The following RPAP1 variants were observed in gnomAD, a reference collection of about 807,000 sequenced individuals.
RPAP1 encodes RNA polymerase II associated protein 1.
A neutral mutation model predicts 142.4 loss-of-function variants in RPAP1; 109 were observed. The ratio of observed to expected loss-of-function variants is 0.77; its 90% CI spans 0.66 to 0.90. RPAP1 has a LOEUF of 0.90. Among genes scored for constraint, RPAP1 ranks in the 40% least tolerant of loss-of-function variants. RPAP1 has a pLI of 0.00. For missense variants in RPAP1, 1,546 were observed against 1,751.7 expected (o/e 0.88, Z 2.10); for synonymous variants, 704 against 738.9 (o/e 0.95, Z 0.77).
At chr15:41,539,270 C>T (rs996919760) in intron 1 of RPAP1, among the ~76,000 whole-genome samples, 1 of 151,502 alleles carries the variant, frequency 6.6e-6, no homozygotes, top group Admixed American at 6.6e-5. Context: ...CCACACTCAG[C>T]TAATTTTTGT....
chr15:41,524,757 A>G (rs2051771670), intron 15 of RPAP1, among the ~76,000 whole-genome samples: 7 of 152,180 alleles, frequency 4.6e-5, no homozygotes, highest in Admixed American at 4.6e-4. Context: ...TACAGGCATG[A>G]GCCACAGTGC....
chr15:41,528,546 C>T (rs1436562192), intron 9 of RPAP1, among the ~76,000 whole-genome samples: 1 of 152,074 alleles, frequency 6.6e-6, no homozygotes, highest in African/African-American at 2.4e-5. Flanking sequence ...GTTTAATTTG[C>T]GACCGGCGGA....
At chr15:41,530,875 G>T in intron 7 of RPAP1, 148 bp downstream of exon 7, 1 of 741,732 alleles carries the variant, frequency 1.3e-6, no homozygotes, top group Non-Finnish European at 2.2e-6. Flanking sequence ...CATCAGCAAT[G>T]AAGACTGACT....
At chr15:41,531,954 C>T (rs1299393708) in intron 6 of RPAP1, among the ~76,000 whole-genome samples, 1 of 151,868 alleles carries the variant, frequency 6.6e-6, no homozygotes, top group Non-Finnish European at 1.5e-5. Context: ...CTCCTGGGCT[C>T]AAGCAATCCT....
chr15:41,534,964 G>A, intron 5 of RPAP1, 29 bp from the exon 6 acceptor site: 1 of 1,603,868 alleles, frequency 6.2e-7, no homozygotes, highest in Non-Finnish European at 8.5e-7. Context: ...CACATTCATT[G>A]CTCTGTCCTC....
At position 41,536,557 on chromosome 15, in the gene RPAP1, C is replaced by T. The variant is rs751443150; in HGVS notation, c.274G>A (p.Glu92Lys). Reference sequence around the variant, plus strand: ...TGATCATGCCTCCTCAGCCTCTCTTCTGGGTCCTCATCCTCAGGCAGGCAG... The same window carrying T: ...TGATCATGCCTCCTCAGCCTCTCTTTTGGGTCCTCATCCTCAGGCAGGCAG... ...GHCLPEDEDP[E>K]ERLRRHDQHI... The change falls in exon 3 of 25, where the codon GAA becomes AAA. Residue 92 changes from glutamate to lysine, a missense_variant. By Grantham distance (56) the Glu-to-Lys change is moderately conservative. This residue lies in a region of RPAP1 where 1,333 missense variants were observed against 1,486.6 expected (regional missense o/e 0.90). Transcript: ENST00000304330. 1 of 1,614,084 alleles carries T rather than the reference C, an allele frequency of 6.2e-7. No homozygotes were observed.
chr15:41,522,423 T>C lies in RPAP1; in HGVS notation c.2743-173A>G, dbSNP rs2051737007. On this transcript the variant is annotated intron_variant, in intron 19 of 24. Transcript: ENST00000304330. Reference sequence around the variant, plus strand: ...GGTTTTTTTTGAGATGGAGTTTCGCTCTTGTTGCCCAGGCTGCAGTGCAAT... The same window carrying C: ...GGTTTTTTTTGAGATGGAGTTTCGCCCTTGTTGCCCAGGCTGCAGTGCAAT... 4 of 656,772 alleles carry C rather than the reference T, an allele frequency of 6.1e-6. No individual in the cohort carries two copies. In the South Asian group the frequency reaches 7.7e-5, roughly 13 times the overall value. 40.7% of individuals were successfully genotyped at this position (656,772 alleles called of 1,614,324 possible).
At chr15:41,524,874 A>G (rs2051773317) in intron 15 of RPAP1, 117 bp downstream of exon 15, 1 of 1,064,754 alleles carries the variant, frequency 9.4e-7, no homozygotes, top group Admixed American at 2.4e-5. Flanking sequence ...AAGCCCTCCC[A>G]CTCATTCTTA....
chr15:41,524,334 G>A, intron 15 of RPAP1, 80 bp from the exon 16 acceptor site: 1 of 1,282,214 alleles, frequency 7.8e-7, no homozygotes, highest in East Asian at 2.4e-5. Flanking sequence ...CTGACCCAGG[G>A]ATCTGCAGTT....
At position 41,520,775 on chromosome 15, in the gene RPAP1, T is replaced by G; in HGVS notation, c.3411A>C (p.Leu1137=). The change falls in exon 22 of 25, where the codon CTA becomes CTC. Residue 1137 remains leucine (L), a synonymous_variant. Coordinates refer to ENST00000304330, the MANE Select transcript of RPAP1 (RefSeq NM_015540.4). The stretch of plus-strand genomic sequence containing the variant: ...CCTGGGGGCGCCAGCTCTCCAAAAC[T>G]AGCACCCACTGCAGGACCCGCATGG... ...GTAMRVLQWV[L]VLESWRPQAL... 6.2e-7 allele frequency: 1 copy of G among 1,613,668 alleles called. No homozygotes were observed. The highest frequency in any genetic ancestry group is 1.1e-5 in the South Asian group (1 of 91,074).
Position 41,520,718 on chromosome 15 carries a change from C to A in RPAP1, c.3468G>T (p.Leu1156=). 6.2e-7 allele frequency: 1 copy of A among 1,614,068 alleles called. No individual in the cohort carries two copies. Among genetic ancestry groups the A allele is most frequent in the Non-Finnish European group, 8.5e-7 (1 of 1,180,030 alleles). ...ALWAVPPAAR[L]ARLMCVFLVD... is the part of the protein sequence containing the mutation. ...CCAGGAACACACACATGAGCCGTGC[C>A]AGGCGGGCAGCAGGGGGCACAGCCC... The change falls in exon 22 of 25, where the codon CTG becomes CTT. Residue 1156 remains leucine (L), a synonymous_variant. Coordinates refer to ENST00000304330, the MANE Select transcript of RPAP1 (RefSeq NM_015540.4).
chr15:41,528,118 GT>G (rs1372210856), intron 10 of RPAP1, 91 bp from the exon 11 acceptor site: 1 of 1,536,122 alleles, frequency 6.5e-7, no homozygotes, highest in East Asian at 2.4e-5. Flanking sequence ...ATGATCCTAG[GT>G]TGTTAAAAGC....
intron 1 of RPAP1, 28 bp from the exon 2 acceptor site, chr15:41,537,229 C>T: frequency 1.8e-6 from 2 of 1,121,016 alleles, no homozygotes; most frequent in South Asian, 2.8e-5. Context: ...TATGGGCCCT[C>T]TGCAACTGAA....
chr15:41,522,834 G>A lies in RPAP1; in HGVS notation c.2673C>T (p.Phe891=). 2 of 1,587,156 alleles carry A rather than the reference G, an allele frequency of 1.3e-6. No individual in the cohort carries two copies. Among genetic ancestry groups the A allele is most frequent in the African/African-American group, 1.4e-5 (1 of 73,038 alleles). Residue 891 remains phenylalanine (F), a synonymous_variant, in exon 19 of 25, where the codon TTC becomes TTT. Transcript: ENST00000304330. Reference sequence around the variant, plus strand: ...GAGAGAGGAGGGCAGTGAGGAATGGGAAGGGTGAGGCTGAGCCAGCCAGAC... The same window carrying A: ...GAGAGAGGAGGGCAGTGAGGAATGGAAAGGGTGAGGCTGAGCCAGCCAGAC... ...RLSLAGSASP[F]PFLTALLSLL...
Position 41,518,083 on chromosome 15 carries a change from G to A in RPAP1, c.3895C>T (p.Arg1299Cys), listed in dbSNP as rs1281845870. 9.9e-6 allele frequency: 16 copies of A among 1,611,496 alleles called. No individual in the cohort carries two copies. Among genetic ancestry groups the A allele is most frequent in the South Asian group, 4.4e-5 (4 of 90,672 alleles). Residue 1299 changes from arginine (R) to cysteine (C), a missense_variant, in exon 23 of 25, where the codon CGT (arginine) becomes TGT (cysteine). By Grantham distance (180) the Arg-to-Cys change is radical (BLOSUM62 -3). Around this residue, in one of 3 missense-constraint regions of RPAP1, gnomAD observed 210 missense variants for 248.0 expected, o/e 0.85. Transcript: ENST00000304330. ...RTLVTGALRP[R>C]WCPVLYAVAV... ...ACAGCATAGAGCACGGGGCACCAAC[G>A]TGGGCGGAGCGCACCAGTAACCAGG...
chr15:41,527,321 AC>A lies in RPAP1; in HGVS notation c.1612-21del. ...GAGCCCCTGGGAGTTGGAGAGAGAAACCCACTGACAAATGCAGCTGGACCCT... is the reference window on the plus strand; with the variant it reads ...GAGCCCCTGGGAGTTGGAGAGAGAAACCACTGACAAATGCAGCTGGACCCT... On this transcript the variant is annotated intron_variant, in intron 12 of 24. Coordinates refer to ENST00000304330, the MANE Select transcript of RPAP1 (RefSeq NM_015540.4). The A allele has an allele frequency of 6.2e-7, 1 of 1,613,856 alleles. No individual in the cohort carries two copies. The highest frequency in any genetic ancestry group is 8.5e-7 in the Non-Finnish European group (1 of 1,179,934).
At position 41,537,050 on chromosome 15, in the gene RPAP1, C is replaced by T; in HGVS notation, c.76G>A (p.Ala26Thr). The change falls in exon 2 of 25, where the codon GCA becomes ACA. Residue 26 changes from alanine (A) to threonine (T), a missense_variant. Coordinates refer to ENST00000304330, the MANE Select transcript of RPAP1 (RefSeq NM_015540.4). ...HFQSQFLAAGAAPAVQLVKKG... is the reference protein window; with the variant it reads ...HFQSQFLAAGTAPAVQLVKKG... ...TTCACCAACTGCACTGCTGGGGCTG[C>T]ACCAGCTGCGAGAAACTGACTCTGG... 1 of 1,614,132 alleles carries T rather than the reference C, an allele frequency of 6.2e-7. No individual in the cohort carries two copies. Among genetic ancestry groups the T allele is most frequent in the South Asian group, 1.1e-5 (1 of 91,080 alleles).
Position 41,520,924 on chromosome 15 carries a change from G to T in RPAP1, c.3262C>A (p.Leu1088Ile). The change falls in exon 22 of 25, where the codon CTA (leucine) becomes ATA (isoleucine). Residue 1088 changes from leucine to isoleucine, a missense_variant. By Grantham distance (5) the Leu-to-Ile change is conservative (BLOSUM62 2). Around this residue, in one of 3 missense-constraint regions of RPAP1, gnomAD observed 1,333 missense variants for 1,486.6 expected, o/e 0.90. Transcript: ENST00000304330. ...AGCGGCTCCGTAGGCATGGGCAGTA[G>T]CAGGGTTGGGACTCGCTGTAGCTCC... ...RGELQRVPTL[L>I]LPMPTEPLLP... 6.2e-7 allele frequency: 1 copy of T among 1,613,282 alleles called. No individual in the cohort carries two copies.
Position 41,523,344 on chromosome 15 carries a change from C to A in RPAP1, c.2447G>T (p.Cys816Phe), listed in dbSNP as rs1466276801. The change falls in exon 18 of 25, where the codon TGC becomes TTC. Residue 816 changes from cysteine (C) to phenylalanine (F), a missense_variant. Physicochemically the swap from Cys to Phe is radical, Grantham distance 205. Around this residue, in one of 3 missense-constraint regions of RPAP1, gnomAD observed 1,333 missense variants for 1,486.6 expected, o/e 0.90. Transcript: ENST00000304330. ...CATGTCCTGGAGCCAATCCTCCGGG[C>A]ATGAGCTTGGCTGGTGGACCAAGGA... ...YQAWSQQPSS[C>F]PEDWLQDMQR... 7 of 1,602,382 alleles carry A rather than the reference C, an allele frequency of 4.4e-6. No homozygotes were observed. In the Admixed American group the frequency reaches 1.0e-4, roughly 24 times the overall value.
Sources: gnomAD v4.1 joint callset for allele counts (sites outside exome capture counted in the v4.1 genomes callset) on GRCh38, gnomAD v4.1.1 for gene constraint, gnomAD v4.1.1 regional missense constraint, MANE v1.5 for transcripts, NCBI Gene and HGNC (gene_info 2026-07-23, HGNC 2026-07-21) for gene names.